RARB: variants seen among roughly 807,000 people sequenced by gnomAD.
The protein encoded by RARB is retinoic acid receptor beta.
In RARB, 17 loss-of-function variants were observed where a neutral mutation model predicts 51.9. The ratio of observed to expected loss-of-function variants is 0.33; its 90% CI spans 0.22 to 0.49. RARB has a LOEUF of 0.49. Among genes scored for constraint, RARB ranks in the 20% least tolerant of loss-of-function variants. The pLI is 0.99. For synonymous variants in RARB, 215 were observed against 195.4 expected (o/e 1.10, Z -0.84); for missense variants, 369 against 550.8 (o/e 0.67, Z 3.30).
intron 5 of RARB, among the ~76,000 whole-genome samples, chr3:25,178,624 T>C (rs1700803159): frequency 6.6e-6 from 1 of 152,124 alleles, no homozygotes; most frequent in Non-Finnish European, 1.5e-5. Context: ...GGACATCTTT[T>C]TTCCACGATG....
intron 1 of RARB, among the ~76,000 whole-genome samples, chr3:24,853,078 GCC>G (rs1304210067): frequency 6.6e-6 from 1 of 152,030 alleles, no homozygotes; most frequent in African/African-American, 2.4e-5. Flanking sequence ...ACTTTGGGAG[GCC>G]GAGACGGGTG....
intron 5 of RARB, among the ~76,000 whole-genome samples, chr3:25,382,411 A>C (rs375879376): frequency 1.3e-5 from 2 of 151,684 alleles, no homozygotes; most frequent in African/African-American, 4.8e-5. Context: ...TGGTGGGAGA[A>C]TTTCCCCTGC....
chr3:25,074,460 G>A (rs1698831019), intron 3 of RARB, among the ~76,000 whole-genome samples: 2 of 152,112 alleles, frequency 1.3e-5, no homozygotes, highest in Admixed American at 6.6e-5. Context: ...TGTTCACACT[G>A]TTACTTGTTC....
chr3:25,436,017 A>G (rs1021886448), intron 1 of RARB, among the ~76,000 whole-genome samples: 2 of 152,258 alleles, frequency 1.3e-5, no homozygotes, highest in Non-Finnish European at 2.9e-5. Context: ...TACCGGTTCC[A>G]TTAATTTTAC....
upstream of RARB, among the ~76,000 whole-genome samples, chr3:25,426,699 A>C (rs1708002331): frequency 1.3e-5 from 2 of 152,270 alleles, no homozygotes. Flanking sequence ...TAAATGCTAC[A>C]GAGGCAGTGG....
At chr3:25,280,738 C>T (rs767100559) in intron 5 of RARB, among the ~76,000 whole-genome samples, 3 of 152,246 alleles carry the variant, frequency 2.0e-5, no homozygotes, top group Middle Eastern at 6.8e-3. Context: ...TTTTCACCTT[C>T]CGTTGTATTC....
chr3:25,226,336 T>C (rs1427827087), intron 5 of RARB, among the ~76,000 whole-genome samples: 1 of 152,214 alleles, frequency 6.6e-6, no homozygotes, highest in Non-Finnish European at 1.5e-5. Flanking sequence ...AAAATAGCAG[T>C]GAACTTGCTC....
At chr3:24,955,360 A>T (rs935646211) in intron 2 of RARB, among the ~76,000 whole-genome samples, 2 of 142,024 alleles carry the variant, frequency 1.4e-5, no homozygotes, top group African/African-American at 5.9e-5. Flanking sequence ...GGTTTATATA[A>T]ACACAGCACA....
chr3:24,940,714 C>G (rs1286945309), intron 2 of RARB, among the ~76,000 whole-genome samples: 1 of 152,158 alleles, frequency 6.6e-6, no homozygotes, highest in African/African-American at 2.4e-5. Flanking sequence ...ACCATAGACT[C>G]CCATTCTGCT....
chr3:25,225,921 T>C (rs2125387284), intron 5 of RARB, among the ~76,000 whole-genome samples: 1 of 152,300 alleles, frequency 6.6e-6, no homozygotes. Flanking sequence ...GCAAAGTTTG[T>C]TTGGTCATCT....
chr3:25,574,018 A>G, intron 4 of RARB, among the ~76,000 whole-genome samples: 1 of 152,204 alleles, frequency 6.6e-6, no homozygotes, highest in East Asian at 1.9e-4. Context: ...TTTCTACCCA[A>G]TGACCCTCCG....
intron 2 of RARB, among the ~76,000 whole-genome samples, chr3:24,923,907 T>C (rs899939394): frequency 6.6e-6 from 1 of 152,142 alleles, no homozygotes; most frequent in African/African-American, 2.4e-5. Flanking sequence ...ATGGTTTCTA[T>C]GGTTGTAGAT....
chr3:25,340,913 C>A (rs960777057), intron 5 of RARB, among the ~76,000 whole-genome samples: 1 of 152,156 alleles, frequency 6.6e-6, no homozygotes, highest in Non-Finnish European at 1.5e-5. Flanking sequence ...TGAGTGAGTA[C>A]AGAATCATTC....
intron 3 of RARB, among the ~76,000 whole-genome samples, chr3:25,535,160 C>T (rs1207716312): frequency 3.3e-5 from 5 of 152,220 alleles, no homozygotes; most frequent in Non-Finnish European, 5.9e-5. Flanking sequence ...CTGTTGGTTA[C>T]TTAATTTACG....
intron 5 of RARB, among the ~76,000 whole-genome samples, chr3:25,381,817 G>A (rs1330866064): frequency 6.6e-6 from 1 of 152,156 alleles, no homozygotes; most frequent in Non-Finnish European, 1.5e-5. Flanking sequence ...GGGTGGGCCA[G>A]GAAATTTGAG....
intron 3 of RARB, among the ~76,000 whole-genome samples, chr3:25,060,704 G>A (rs1698531607): frequency 1.3e-5 from 2 of 151,876 alleles, no homozygotes; most frequent in Non-Finnish European, 1.5e-5. Flanking sequence ...GAAACATAAA[G>A]TTTATCATGG....
chr3:25,127,269 A>G (rs948079801), intron 3 of RARB, among the ~76,000 whole-genome samples: 1 of 151,636 alleles, frequency 6.6e-6, no homozygotes, highest in African/African-American at 2.4e-5. Context: ...AACCTCCCTC[A>G]CCTCTTCCCA....
intron 5 of RARB, among the ~76,000 whole-genome samples, chr3:25,335,988 A>G (rs1166744925): frequency 6.6e-6 from 1 of 152,146 alleles, no homozygotes; most frequent in Non-Finnish European, 1.5e-5. Context: ...TAAAACATAT[A>G]TAACAAGTGT....
chr3:25,067,987 AT>A (rs1403144316), intron 3 of RARB, among the ~76,000 whole-genome samples: 3 of 151,828 alleles, frequency 2.0e-5, no homozygotes, highest in Admixed American at 6.6e-5. Flanking sequence ...AAATAAAAAA[AT>A]TAGCTGCACA....
Sources: allele counts gnomAD v4.1 joint callset (sites outside exome capture counted in the v4.1 genomes callset), GRCh38; gene constraint gnomAD v4.1.1; transcripts MANE v1.5; gene names NCBI Gene and HGNC (gene_info 2026-07-23, HGNC 2026-07-21).